The following TRDN variants were observed in gnomAD, a reference collection of about 807,000 sequenced individuals.
The protein encoded by TRDN is triadin, also known as triadin in skeletal muscle.
A neutral mutation model predicts 149.7 loss-of-function variants in TRDN; 161 were observed. The ratio of observed to expected loss-of-function variants is 1.08; its 90% CI spans 0.95 to 1.23. The LOEUF (loss-of-function observed/expected upper bound fraction) is 1.23, where lower values mean the gene tolerates loss of function less well. Ranked by LOEUF, TRDN falls within the 50% of genes most tolerant of loss-of-function variation. The pLI is 0.00. For missense variants in TRDN, 896 were observed against 823.5 expected (o/e 1.09, Z -1.08); for synonymous variants, 294 against 250.5 (o/e 1.17, Z -1.64).
At chr6:123,632,403 C>T (rs75251354) in intron 1 of TRDN, among the ~76,000 whole-genome samples, 3,296 of 151,968 alleles carry the variant, frequency 0.022, 123 homozygotes, top group African/African-American at 0.076. Context: ...CAATAGTGTG[C>T]CTTTTTTGTG....
rs369198088 is a variant in TRDN, at chr6:123,393,624, C to T, written c.1105G>A (p.Ala369Thr). The T allele has an allele frequency of 1.1e-4, 170 of 1,602,180 alleles. No individual in the cohort carries two copies. Among genetic ancestry groups the T allele is most frequent in the Non-Finnish European group, 1.3e-4 (153 of 1,173,480 alleles). ...CTTTTTAAAGTGTTTTATTGCTTAC[C>T]TTGTGCTGCAATTTTTACAGTCCCT... ...KQGTVKIAAQ[A>T]AAKKDEKKED... Residue 369 changes from alanine (A) to threonine (T), a missense_variant and splice_region_variant, in exon 13 of 41, where the codon GCA (alanine) becomes ACA (threonine). Physicochemically the swap from Ala to Thr is moderately conservative, Grantham distance 58. Transcript: ENST00000334268.
At chr6:123,629,695 A>C (rs2114736799) in intron 1 of TRDN, among the ~76,000 whole-genome samples, 1 of 152,228 alleles carries the variant, frequency 6.6e-6, no homozygotes, top group Middle Eastern at 3.4e-3. Flanking sequence ...GCAGTTTATG[A>C]GGAAACAGCT....
chr6:123,270,693 C>T (rs1380676998), intron 30 of TRDN, among the ~76,000 whole-genome samples: 1 of 151,896 alleles, frequency 6.6e-6, no homozygotes, highest in East Asian at 1.9e-4. Context: ...TTCTCTAAGG[C>T]AGACTTTAAA....
At chr6:123,391,340 A>C (rs2114453611) in intron 13 of TRDN, among the ~76,000 whole-genome samples, 1 of 152,136 alleles carries the variant, frequency 6.6e-6, no homozygotes, top group African/African-American at 2.4e-5. Context: ...CTAATTACCC[A>C]GTTTCCAAAG....
At chr6:123,370,422 A>T (rs1781281226) in intron 19 of TRDN, among the ~76,000 whole-genome samples, 2 of 152,266 alleles carry the variant, frequency 1.3e-5, no homozygotes, top group South Asian at 4.1e-4. Context: ...GAGTAGCTGT[A>T]GTTGATTAAC....
chr6:123,298,496 C>T (rs984589652), intron 24 of TRDN, among the ~76,000 whole-genome samples: 1 of 151,994 alleles, frequency 6.6e-6, no homozygotes, highest in African/African-American at 2.4e-5. Flanking sequence ...GTCGCCATCC[C>T]TTTACATTCT....
chr6:123,551,715 C>T (rs1383299260), intron 2 of TRDN, among the ~76,000 whole-genome samples: 1 of 151,796 alleles, frequency 6.6e-6, no homozygotes, highest in Non-Finnish European at 1.5e-5. Flanking sequence ...AAAACTAAGG[C>T]ACAGATAATT....
At chr6:123,535,009 G>T (rs1780452988) in intron 4 of TRDN, among the ~76,000 whole-genome samples, 2 of 152,152 alleles carry the variant, frequency 1.3e-5, no homozygotes, top group Admixed American at 6.6e-5. Context: ...ATGCTAGTTG[G>T]AATCATAAGC....
intron 1 of TRDN, among the ~76,000 whole-genome samples, chr6:123,614,226 C>T (rs1784952616): frequency 6.7e-6 from 1 of 148,598 alleles, no homozygotes; most frequent in South Asian, 2.2e-4. Context: ...TAAATCACTT[C>T]CTGCTTTAAA....
chr6:123,326,647 C>T lies in TRDN; in HGVS notation c.1471+5232G>A, dbSNP rs537760670. ...TAGATAGATTTCAGCTATTGTTTCT[C>T]TATCATCTATTTGAATTGAACTGTG... On this transcript the variant is annotated intron_variant, in intron 23 of 40. Transcript: ENST00000334268. 2.2e-4 allele frequency among the ~76,000 whole-genome samples: 34 copies of T among 151,984 alleles called. No individual in the cohort carries two copies. In the South Asian group the frequency reaches 7.1e-3, roughly 32 times the overall value.
rs1326270131 is a variant in TRDN, at chr6:123,358,568, G to A, written c.1322-5982C>T. Reference sequence around the variant, plus strand: ...CAACCTCTGCCTTCTGGGTTCAAGCGATTCTCCTGCCTTAGCCTCCCGAGT... The same window carrying A: ...CAACCTCTGCCTTCTGGGTTCAAGCAATTCTCCTGCCTTAGCCTCCCGAGT... On this transcript the variant is annotated intron_variant, in intron 20 of 40. Transcript: ENST00000334268. Among the ~76,000 whole-genome samples, 3 of 151,912 alleles carry A rather than the reference G, an allele frequency of 2.0e-5. No homozygotes were observed. In the East Asian group the frequency reaches 5.8e-4, roughly 29 times the overall value.
chr6:123,597,510 T>C (rs1784092292), intron 1 of TRDN, among the ~76,000 whole-genome samples: 1 of 152,128 alleles, frequency 6.6e-6, no homozygotes. Context: ...GAAGTTCTCC[T>C]GTGAGTAAAA....
At chr6:123,500,585 C>T (rs1778654370) in intron 8 of TRDN, among the ~76,000 whole-genome samples, 1 of 152,098 alleles carries the variant, frequency 6.6e-6, no homozygotes, top group South Asian at 2.1e-4. Context: ...TTAATTTGCT[C>T]ATCATTGTAA....
intron 12 of TRDN, among the ~76,000 whole-genome samples, chr6:123,435,374 C>T (rs1050471875): frequency 6.6e-6 from 1 of 151,974 alleles, no homozygotes; most frequent in African/African-American, 2.4e-5. Flanking sequence ...TTACTACTTT[C>T]ATAATAAGCT....
At chr6:123,622,274 C>T (rs562377453) in intron 1 of TRDN, among the ~76,000 whole-genome samples, 1 of 151,842 alleles carries the variant, frequency 6.6e-6, no homozygotes, top group African/African-American at 2.4e-5. Context: ...CTTTCCCTAG[C>T]TTACTTCATT....
At chr6:123,271,727 C>T (rs916404194) in intron 29 of TRDN, among the ~76,000 whole-genome samples, 2 of 151,848 alleles carry the variant, frequency 1.3e-5, no homozygotes, top group African/African-American at 4.8e-5. Flanking sequence ...GATTATTGCC[C>T]TGATACTACA....
At chr6:123,223,035 T>C (rs1448294731) in intron 39 of TRDN, among the ~76,000 whole-genome samples, 2 of 151,818 alleles carry the variant, frequency 1.3e-5, no homozygotes, top group East Asian at 1.9e-4. Flanking sequence ...AGAACACTTG[T>C]AGACTGTTGG....
At chr6:123,552,887 C>A (rs574836759) in intron 2 of TRDN, among the ~76,000 whole-genome samples, 2 of 152,200 alleles carry the variant, frequency 1.3e-5, no homozygotes, top group African/African-American at 4.8e-5. Context: ...AAATCAAGAC[C>A]TCAACTTTCC....
intron 13 of TRDN, among the ~76,000 whole-genome samples, chr6:123,392,400 C>T (rs1168290191): frequency 6.6e-6 from 1 of 151,916 alleles, no homozygotes; most frequent in Non-Finnish European, 1.5e-5. Context: ...ACACTATGGT[C>T]CTCAGAAGTC....
Sources: gnomAD v4.1 joint callset for allele counts (sites outside exome capture counted in the v4.1 genomes callset) on GRCh38, gnomAD v4.1.1 for gene constraint, MANE v1.5 for transcripts, NCBI Gene and HGNC (gene_info 2026-07-23, HGNC 2026-07-21) for gene names.